MBD5: variants seen among roughly 807,000 people sequenced by gnomAD.
MBD5 encodes the protein methyl-CpG-binding domain protein 5.
A neutral mutation model predicts 117.3 loss-of-function variants in MBD5; 13 were observed. That is an observed-to-expected ratio of 0.11 (90% CI 0.07 to 0.18). The LOEUF (loss-of-function observed/expected upper bound fraction) is 0.18, where lower values mean the gene tolerates loss of function less well. MBD5 is among the 10% of genes least tolerant of loss of function. The pLI is 1.00. For missense variants in MBD5, 1,879 were observed against 2,093.8 expected (o/e 0.90, Z 2.00); for synonymous variants, 727 against 766.4 (o/e 0.95, Z 0.85).
chr2:148,389,340 G>A (rs10209310), intron 4 of MBD5, among the ~76,000 whole-genome samples: 7,219 of 126,894 alleles, frequency 0.057, 226 homozygotes, highest in Middle Eastern at 0.083. Context: ...AGCATTGATG[G>A]CACTTAGCTT....
At chr2:148,374,809 T>TTTCTCCCACACATGCGTATGACTA (rs1703950292) in intron 4 of MBD5, among the ~76,000 whole-genome samples, 2 of 152,164 alleles carry the variant, frequency 1.3e-5, no homozygotes, top group Non-Finnish European at 2.9e-5. Flanking sequence ...CCTAGCTTCC[T>TTTCTCCCACACATGCGTATGACTA]TTCTCCCACA....
intron 3 of MBD5, among the ~76,000 whole-genome samples, chr2:148,240,986 T>G (rs1179753289): frequency 6.6e-6 from 1 of 152,134 alleles, no homozygotes; most frequent in East Asian, 1.9e-4. Context: ...TTTATTATGA[T>G]GATCTTTTTC....
At chr2:148,326,569 T>G (rs1702458269) in intron 3 of MBD5, among the ~76,000 whole-genome samples, 1 of 152,208 alleles carries the variant, frequency 6.6e-6, no homozygotes, top group Non-Finnish European at 1.5e-5. Flanking sequence ...CTTGGTGAAT[T>G]GATCCCTTTA....
intron 4 of MBD5, among the ~76,000 whole-genome samples, chr2:148,446,410 C>T (rs1251645073): frequency 1.3e-5 from 2 of 151,944 alleles, no homozygotes; most frequent in South Asian, 2.1e-4. Context: ...AACAAACAAA[C>T]AAACAAACAG....
chr2:148,179,137 G>A (rs975609248), intron 2 of MBD5, among the ~76,000 whole-genome samples: 9 of 151,984 alleles, frequency 5.9e-5, no homozygotes, highest in Non-Finnish European at 1.2e-4. Flanking sequence ...GGCGGATCAC[G>A]AGGTCAGGAG....
chr2:148,267,591 C>A (rs1358249594), intron 3 of MBD5, among the ~76,000 whole-genome samples: 4 of 152,168 alleles, frequency 2.6e-5, no homozygotes. Context: ...TTGCCTCCCT[C>A]TCCAGAGGTA....
chr2:148,318,062 A>C (rs1369742691), intron 3 of MBD5, among the ~76,000 whole-genome samples: 2 of 152,184 alleles, frequency 1.3e-5, no homozygotes, highest in African/African-American at 2.4e-5. Context: ...ACTAATTTAC[A>C]TTCCTACCAA....
chr2:148,425,893 A>G (rs1362142755), intron 4 of MBD5, among the ~76,000 whole-genome samples: 1 of 152,212 alleles, frequency 6.6e-6, no homozygotes, highest in Admixed American at 6.5e-5. Context: ...ATTTCAAAAT[A>G]ATAAGAGCTA....
intron 3 of MBD5, among the ~76,000 whole-genome samples, chr2:148,338,384 G>A (rs1702850515): frequency 6.6e-6 from 1 of 151,854 alleles, no homozygotes; most frequent in Non-Finnish European, 1.5e-5. Context: ...CTGTCATGTT[G>A]TTGACATTTT....
chr2:148,385,806 A>T (rs367881573), intron 4 of MBD5, among the ~76,000 whole-genome samples: 2 of 151,696 alleles, frequency 1.3e-5, no homozygotes, highest in Non-Finnish European at 2.9e-5. Context: ...TCATGTCCTT[A>T]GTAGGGACAT....
chr2:148,404,521 C>T (rs529533024), intron 4 of MBD5, among the ~76,000 whole-genome samples: 1 of 152,194 alleles, frequency 6.6e-6, no homozygotes, highest in African/African-American at 2.4e-5. Context: ...TAAACTCACA[C>T]TGCATTGGTC....
At chr2:148,280,144 A>AC (rs1701212560) in intron 3 of MBD5, among the ~76,000 whole-genome samples, 2 of 151,050 alleles carry the variant, frequency 1.3e-5, no homozygotes, top group Admixed American at 1.3e-4. Flanking sequence ...AAAAAAAAAA[A>AC]AAAAAACAAA....
intron 4 of MBD5, among the ~76,000 whole-genome samples, chr2:148,397,257 G>C (rs1346618181): frequency 6.6e-6 from 1 of 151,268 alleles, no homozygotes; most frequent in Non-Finnish European, 1.5e-5. Context: ...GATTATATTT[G>C]GCTTTATTAT....
Position 148,490,383 on chromosome 2 carries a change from G to C in MBD5, c.4751G>C (p.Ser1584Thr). The C allele has an allele frequency of 2.5e-6, 4 of 1,614,146 alleles. No individual in the cohort carries two copies. Among genetic ancestry groups the C allele is most frequent in the Non-Finnish European group, 3.4e-6 (4 of 1,180,030 alleles). The change falls in exon 11 of 14, where the codon AGC becomes ACC. Residue 1584 changes from serine to threonine, a missense_variant. By Grantham distance (58) the Ser-to-Thr change is moderately conservative (BLOSUM62 1). Coordinates refer to ENST00000642680, the MANE Select transcript of MBD5 (RefSeq NM_001378120.1). Reference protein sequence around the residue: ...NAKSVNGCVPSPSDAKSISSE... With the variant: ...NAKSVNGCVPTPSDAKSISSE... ...AAAAGCGTTAATGGGTGTGTGCCTAGCCCTTCAGATGCTAAAAGCATTAGT... is the reference window on the plus strand; with the variant it reads ...AAAAGCGTTAATGGGTGTGTGCCTACCCCTTCAGATGCTAAAAGCATTAGT...
At chr2:148,212,935 T>A (rs1840141) in intron 2 of MBD5, among the ~76,000 whole-genome samples, 91,417 of 151,978 alleles carry the variant, frequency 0.6, 30,104 homozygotes, top group East Asian at 0.8. Context: ...TAATAGTTCC[T>A]ATTTGTTCGT....
At position 148,203,763 on chromosome 2, in the gene MBD5, A is replaced by G. The variant is rs546971486; in HGVS notation, c.-831+24970A>G. Among the ~76,000 whole-genome samples, 20 of 149,314 alleles carry G rather than the reference A, an allele frequency of 1.3e-4. No homozygotes were observed. In the East Asian group the frequency reaches 3.6e-3, roughly 27 times the overall value. ...CTGAGTCTAGCAAGATTCTGCTGACAACTCATCTCACCTTTGTTCCCATAC... is the reference window on the plus strand; with the variant it reads ...CTGAGTCTAGCAAGATTCTGCTGACGACTCATCTCACCTTTGTTCCCATAC... On this transcript the variant is annotated intron_variant, in intron 2 of 13. Coordinates refer to ENST00000642680, the MANE Select transcript of MBD5 (RefSeq NM_001378120.1).
At chr2:148,116,309 T>C (rs749651550) in intron 1 of MBD5, among the ~76,000 whole-genome samples, 5 of 152,034 alleles carry the variant, frequency 3.3e-5, no homozygotes, top group African/African-American at 4.8e-5. Context: ...AAGCCAGAGA[T>C]GTCTGCCAGA....
intron 3 of MBD5, among the ~76,000 whole-genome samples, chr2:148,323,705 C>T (rs1426616786): frequency 2.0e-5 from 3 of 151,860 alleles, no homozygotes; most frequent in Non-Finnish European, 4.4e-5. Flanking sequence ...TTGTTTTTTT[C>T]TTGTAAATTT....
At chr2:148,488,817 C>G (rs974104599) in intron 10 of MBD5, among the ~76,000 whole-genome samples, 4 of 152,140 alleles carry the variant, frequency 2.6e-5, no homozygotes, top group Admixed American at 2.6e-4. Flanking sequence ...TCACTATTGA[C>G]AGCATGGGGA....
Sources: allele counts gnomAD v4.1 joint callset (sites outside exome capture counted in the v4.1 genomes callset), GRCh38; gene constraint gnomAD v4.1.1; transcripts MANE v1.5; gene names NCBI Gene and HGNC (gene_info 2026-07-23, HGNC 2026-07-21).